USP6NL: variants seen among roughly 807,000 people sequenced by gnomAD.
The protein encoded by USP6NL is USP6 N-terminal-like protein.
Under a neutral mutation model 61.9 loss-of-function variants are expected in USP6NL, and 26 were observed. That is an observed-to-expected ratio of 0.42 (90% CI 0.31 to 0.58). The LOEUF (loss-of-function observed/expected upper bound fraction) is 0.58, where lower values mean the gene tolerates loss of function less well. Among genes scored for constraint, USP6NL ranks in the 20% least tolerant of loss-of-function variants. USP6NL has a pLI of 0.16. For missense variants in USP6NL, 1,114 were observed against 1,034.3 expected, an observed-to-expected ratio of 1.08 and a Z score of -1.06; for synonymous variants, 432 against 390.1, an observed-to-expected ratio of 1.11 and a Z score of -1.27.
At chr10:11,543,132 T>C (rs1359292910) in intron 2 of USP6NL, among the ~76,000 whole-genome samples, 1 of 152,238 alleles carries the variant, frequency 6.6e-6, no homozygotes, top group Non-Finnish European at 1.5e-5. Context: ...CATATTTGAA[T>C]GACCAAAATA....
intron 5 of USP6NL, among the ~76,000 whole-genome samples, chr10:11,512,838 C>G (rs1274032856): frequency 6.6e-6 from 1 of 152,214 alleles, no homozygotes; most frequent in Admixed American, 6.5e-5. Flanking sequence ...GTTCCCTTAG[C>G]ATTCCATGGC....
Position 11,501,214 on chromosome 10 carries a change from T to A in USP6NL, c.277-6A>T. The A allele has an allele frequency of 6.2e-7, 1 of 1,600,584 alleles. No individual in the cohort carries two copies. The highest frequency in any genetic ancestry group is 8.5e-7 in the Non-Finnish European group (1 of 1,175,030). On this transcript the variant is annotated splice_region_variant and splice_polypyrimidine_tract_variant and intron_variant, in intron 6 of 14. Transcript: ENST00000609104. Reference sequence around the variant, plus strand: ...TTGTAAATTCGCCTATGAAACTTATTAAAAGAAAAAGAAACTGAAGGTTAC... The same window carrying A: ...TTGTAAATTCGCCTATGAAACTTATAAAAAGAAAAAGAAACTGAAGGTTAC...
chr10:11,469,572 A>C (rs1235374424), intron 14 of USP6NL, among the ~76,000 whole-genome samples: 1 of 152,252 alleles, frequency 6.6e-6, no homozygotes, highest in East Asian at 1.9e-4. Flanking sequence ...AAAAACATTT[A>C]GAGGTTATGG....
At chr10:11,590,246 C>A (rs1485234956) in intron 2 of USP6NL, among the ~76,000 whole-genome samples, 1 of 152,066 alleles carries the variant, frequency 6.6e-6, no homozygotes, top group African/African-American at 2.4e-5. Flanking sequence ...AAAAAAGTCA[C>A]ACCAAAATAC....
intron 2 of USP6NL, among the ~76,000 whole-genome samples, chr10:11,567,369 C>T (rs1308132766): frequency 6.6e-6 from 1 of 152,162 alleles, no homozygotes; most frequent in East Asian, 1.9e-4. Flanking sequence ...ACGAGCTAAA[C>T]AAAATGGACT....
intron 14 of USP6NL, among the ~76,000 whole-genome samples, chr10:11,464,111 G>T (rs569778957): frequency 1.2e-4 from 18 of 152,316 alleles, no homozygotes; most frequent in Non-Finnish European, 2.1e-4. Context: ...GTACAGAGCA[G>T]GAGAGTGCCA....
chr10:11,564,489 C>G (rs555255654), intron 2 of USP6NL: 10 of 152,034 alleles, frequency 6.6e-5, no homozygotes, highest in South Asian at 2.1e-4. Flanking sequence ...AAACAAATAC[C>G]AGGCAAGCTC....
intron 14 of USP6NL, among the ~76,000 whole-genome samples, chr10:11,466,489 A>C (rs1358512144): frequency 2.0e-5 from 3 of 152,250 alleles, no homozygotes; most frequent in African/African-American, 7.2e-5. Context: ...TGGGAGTCTC[A>C]GAATTCTCAT....
chr10:11,573,415 C>T, intron 2 of USP6NL: 1 of 379,948 alleles, frequency 2.6e-6, no homozygotes, highest in Non-Finnish European at 4.7e-6. Context: ...AATTTTTGTT[C>T]AAAAACAGTA....
At chr10:11,483,495 GGAGGGAGA>G (rs1251484732) in intron 13 of USP6NL, among the ~76,000 whole-genome samples, 5 of 113,694 alleles carry the variant, frequency 4.4e-5, no homozygotes, top group Non-Finnish European at 5.4e-5. Flanking sequence ...GGGGGGGAGG[GGAGGGAGA>G]GAGGGAGAGA....
At chr10:11,538,027 T>C (rs1835902259) in intron 2 of USP6NL, among the ~76,000 whole-genome samples, 1 of 152,236 alleles carries the variant, frequency 6.6e-6, no homozygotes, top group African/African-American at 2.4e-5. Flanking sequence ...CAATATTTTA[T>C]ACATAGAGCA....
intron 1 of USP6NL, among the ~76,000 whole-genome samples, chr10:11,599,011 T>C (rs1011345337): frequency 3.3e-5 from 5 of 152,190 alleles, no homozygotes; most frequent in Middle Eastern, 3.2e-3. Context: ...AATGCAATTA[T>C]CCCAAAGGAA....
At chr10:11,466,924 T>C (rs531371864) in intron 14 of USP6NL, among the ~76,000 whole-genome samples, 11 of 152,234 alleles carry the variant, frequency 7.2e-5, no homozygotes, top group Non-Finnish European at 1.5e-4. Flanking sequence ...GCATTCTATA[T>C]GCAGTCCACT....
rs761981970 is a variant in USP6NL, at chr10:11,463,023, G to A, written c.1905C>T (p.Pro635=). The change falls in exon 15 of 15, where the codon CCC becomes CCT. Residue 635 remains proline, a synonymous_variant. Transcript: ENST00000609104. This position sits in a 1 kb window ranked among gnomAD's most constrained non-coding sequence, Gnocchi z 6.3. ...GLAHPPSYSN[P]PVYHGNSPKH... ...TGGGAGAGTTTCCGTGGTAAACGGG[G>A]GGATTGCTGTAGGAGGGGGGATGAG... The A allele has an allele frequency of 1.2e-5, 19 of 1,613,856 alleles. No individual in the cohort carries two copies. Among genetic ancestry groups the A allele is most frequent in the Admixed American group, 8.3e-5 (5 of 60,002 alleles).
At chr10:11,578,641 A>T (rs905226634) in intron 2 of USP6NL, among the ~76,000 whole-genome samples, 1 of 152,184 alleles carries the variant, frequency 6.6e-6, no homozygotes, top group African/African-American at 2.4e-5. Context: ...ATTTTTTAAA[A>T]TTTTTAAAGA....
Position 11,589,913 on chromosome 10 carries a change from T to C in USP6NL, c.4+7718A>G, listed in dbSNP as rs1215177174. On this transcript the variant is annotated intron_variant, in intron 2 of 14. Coordinates refer to ENST00000609104, the MANE Select transcript of USP6NL (RefSeq NM_014688.5). This position sits in a 1 kb window ranked among gnomAD's most constrained non-coding sequence, Gnocchi z 4.7. ...CCAAGGCAATGCCAGGGGAAGTCAGTTTCTAAATTCAGAGGGAAAAGACAG... is the reference window on the plus strand; with the variant it reads ...CCAAGGCAATGCCAGGGGAAGTCAGCTTCTAAATTCAGAGGGAAAAGACAG... Among the ~76,000 whole-genome samples, 4 of 152,090 alleles carry C rather than the reference T, an allele frequency of 2.6e-5. No homozygotes were observed. The highest frequency in any genetic ancestry group is 7.2e-5 in the African/African-American group (3 of 41,396).
At chr10:11,581,881 C>G (rs985568186) in intron 2 of USP6NL, among the ~76,000 whole-genome samples, 2 of 152,120 alleles carry the variant, frequency 1.3e-5, no homozygotes, top group African/African-American at 4.8e-5. Context: ...ACATGATTCT[C>G]CCTGCCTCAG....
At chr10:11,610,666 G>A (rs1045994506) in intron 1 of USP6NL, among the ~76,000 whole-genome samples, 1 of 150,700 alleles carries the variant, frequency 6.6e-6, no homozygotes, top group African/African-American at 2.4e-5. Flanking sequence ...CCAATCACTG[G>A]GTACGGCCCT....
intron 2 of USP6NL, among the ~76,000 whole-genome samples, chr10:11,541,261 ATAT>A (rs1208001168): frequency 7.7e-5 from 10 of 130,602 alleles, no homozygotes; most frequent in Non-Finnish European, 1.5e-4. Flanking sequence ...ATATATATAT[ATAT>A]ATATATATAT....
Sources: gnomAD v4.1 joint callset for allele counts (sites outside exome capture counted in the v4.1 genomes callset) on GRCh38, gnomAD v4.1.1 for gene constraint, Gnocchi (gnomAD v3.1) non-coding constraint, MANE v1.5 for transcripts, NCBI Gene and HGNC (gene_info 2026-07-23, HGNC 2026-07-21) for gene names.